The following CPXM2 variants were observed in gnomAD, a reference collection of about 807,000 sequenced individuals.
The protein encoded by CPXM2 is inactive carboxypeptidase-like protein X2.
CPXM2 carries 66 observed loss-of-function variants against 86.1 expected under a neutral mutation model. The ratio of observed to expected loss-of-function variants is 0.77; its 90% CI spans 0.63 to 0.94. CPXM2 has a LOEUF of 0.94. Ranked by LOEUF, CPXM2 falls within the 40% of genes least tolerant of loss-of-function variation. CPXM2 has a pLI of 0.00. For missense variants in CPXM2, 948 were observed against 1,026.3 expected (o/e 0.92, Z 1.04); for synonymous variants, 388 against 400.2 (o/e 0.97, Z 0.36).
chr10:123,772,862 T>C (rs1158682357), intron 7 of CPXM2, among the ~76,000 whole-genome samples: 1 of 151,488 alleles, frequency 6.6e-6, no homozygotes, highest in East Asian at 2.0e-4. Context: ...ATCACCTCTC[T>C]GGTTGTGGTC....
At chr10:123,915,834 G>A (rs1388312995) in intron 2 of CPXM2, among the ~76,000 whole-genome samples, 2 of 152,130 alleles carry the variant, frequency 1.3e-5, no homozygotes. Flanking sequence ...TCCAGTCCCT[G>A]GTCCTGGTTG....
chr10:123,847,600 A>G (rs1848522603), intron 3 of CPXM2, among the ~76,000 whole-genome samples: 1 of 152,196 alleles, frequency 6.6e-6, no homozygotes, highest in Non-Finnish European at 1.5e-5. Flanking sequence ...TAGCTGTGCC[A>G]TCCACAGTGC....
At chr10:123,821,332 T>C (rs1293118851) in intron 4 of CPXM2, among the ~76,000 whole-genome samples, 1 of 152,260 alleles carries the variant, frequency 6.6e-6, no homozygotes, top group African/African-American at 2.4e-5. Flanking sequence ...GGTTTCCTGG[T>C]ACTTCTCAAA....
At chr10:123,797,015 C>T (rs1467429962) in intron 6 of CPXM2, among the ~76,000 whole-genome samples, 1 of 152,252 alleles carries the variant, frequency 6.6e-6, no homozygotes, top group Non-Finnish European at 1.5e-5. Context: ...AGGCTCCATC[C>T]AGGCACAAGC....
chr10:123,857,368 G>C (rs1848749080), intron 3 of CPXM2, among the ~76,000 whole-genome samples: 1 of 151,988 alleles, frequency 6.6e-6, no homozygotes, highest in African/African-American at 2.4e-5. Flanking sequence ...TCACCAGCCA[G>C]CCCATTCAAA....
chr10:123,935,491 C>T (rs557437962), intron 2 of CPXM2, among the ~76,000 whole-genome samples: 1 of 152,256 alleles, frequency 6.6e-6, no homozygotes, highest in South Asian at 2.1e-4. Context: ...CAAACTTTGC[C>T]CTTGCCAGAA....
chr10:123,894,177 A>G (rs1945314724), upstream of CPXM2, among the ~76,000 whole-genome samples: 2 of 152,216 alleles, frequency 1.3e-5, no homozygotes, highest in Non-Finnish European at 2.9e-5. Flanking sequence ...AAGTCAGGCC[A>G]TATACATCCC....
At chr10:123,942,067 G>A (rs911214460), upstream of CPXM2, among the ~76,000 whole-genome samples, 1 of 152,184 alleles carries the variant, frequency 6.6e-6, no homozygotes, top group African/African-American at 2.4e-5. Flanking sequence ...TGAGGAATTG[G>A]ACAATTTTGT....
rs889528830 is a variant in CPXM2, at chr10:123,754,339, T to A, written c.2017+324A>T. The stretch of plus-strand genomic sequence containing the variant: ...GACACAGGCCACATTCCACCTGGTC[T>A]GAGAGCTAAGCTGCCTGCAGATGCA... On this transcript the variant is annotated intron_variant, in intron 13 of 13. Coordinates refer to ENST00000241305, the MANE Select transcript of CPXM2 (RefSeq NM_198148.3). The surrounding 1 kb of genome is among the most constrained non-coding windows in gnomAD (Gnocchi z 4.0). Among the ~76,000 whole-genome samples the A allele has an allele frequency of 6.6e-6, 1 of 152,184 alleles. No homozygotes were observed. Among genetic ancestry groups the A allele is most frequent in the African/African-American group, 2.4e-5 (1 of 41,458 alleles).
At chr10:123,834,023 T>G (rs931056590) in intron 4 of CPXM2, among the ~76,000 whole-genome samples, 5 of 152,308 alleles carry the variant, frequency 3.3e-5, no homozygotes, top group African/African-American at 1.2e-4. Flanking sequence ...TACATCTCCA[T>G]CTTACAGATG....
chr10:123,746,633 A>G lies in CPXM2; in HGVS notation c.*131T>C. 1.1e-6 allele frequency: 1 copy of G among 880,178 alleles called. No homozygotes were observed. The highest frequency in any genetic ancestry group is 2.5e-5 in the Admixed American group (1 of 39,628). The allele number at this position is 880,178 out of a possible 1,614,324, so 54.5% of individuals were successfully genotyped here. A position where few individuals can be genotyped will look rare whatever the true frequency, so the allele number is the denominator to read the frequency against. On this transcript the variant is annotated 3_prime_UTR_variant, in exon 14 of 14. Transcript: ENST00000241305. ...AGCCTTCCCTTTTGGGACCTGCCTCACAATGCACCCTCTCTTCCAGGCACT... is the reference window on the plus strand; with the variant it reads ...AGCCTTCCCTTTTGGGACCTGCCTCGCAATGCACCCTCTCTTCCAGGCACT...
intron 1 of CPXM2, among the ~76,000 whole-genome samples, chr10:123,882,721 A>G (rs1188774596): frequency 6.6e-6 from 1 of 151,806 alleles, no homozygotes; most frequent in African/African-American, 2.4e-5. Context: ...CCCCAGCACT[A>G]TGGCCTGGGC....
chr10:123,803,240 C>T (rs1847502146), intron 4 of CPXM2, among the ~76,000 whole-genome samples: 1 of 148,418 alleles, frequency 6.7e-6, no homozygotes. Flanking sequence ...GCTGGGACTA[C>T]AGGCATGCAC....
intron 3 of CPXM2, among the ~76,000 whole-genome samples, chr10:123,847,133 A>T (rs1469275722): frequency 6.6e-6 from 1 of 152,234 alleles, no homozygotes; most frequent in Non-Finnish European, 1.5e-5. Context: ...AAGGGGTGAT[A>T]AAAATGGGTG....
intron 4 of CPXM2, among the ~76,000 whole-genome samples, chr10:123,800,757 G>A (rs1847439720): frequency 6.8e-6 from 1 of 147,968 alleles, no homozygotes. Context: ...AAAAGGAAAT[G>A]AAAGCCAAGT....
At chr10:123,813,727 G>T (rs1189428222) in intron 4 of CPXM2, among the ~76,000 whole-genome samples, 4 of 152,192 alleles carry the variant, frequency 2.6e-5, no homozygotes, top group African/African-American at 9.7e-5. Context: ...AATGTCAGTT[G>T]TCTTCAATAA....
chr10:123,831,925 TC>T (rs1564789259), intron 4 of CPXM2, among the ~76,000 whole-genome samples: 2 of 112,934 alleles, frequency 1.8e-5, no homozygotes, highest in African/African-American at 6.6e-5. Context: ...GATAATGACA[TC>T]CTGTGGGTGG....
chr10:123,754,775 C>T lies in CPXM2; in HGVS notation c.1918-13G>A. 6.6e-7 allele frequency: 1 copy of T among 1,510,004 alleles called. No homozygotes were observed. The highest frequency in any genetic ancestry group is 1.4e-5 in the African/African-American group (1 of 72,968). The allele number at this position is 1,510,004 out of a possible 1,614,324, so 93.5% of individuals were successfully genotyped here. On this transcript the variant is annotated splice_polypyrimidine_tract_variant and intron_variant, in intron 12 of 13. Transcript: ENST00000241305. This position sits in a 1 kb window ranked among gnomAD's most constrained non-coding sequence, Gnocchi z 4.0. ...TGCCACGATGAACCTGCTCAGCAAA[C>T]ATGAGACACAGGGTGAGGTCACCGA...
chr10:123,907,134 C>T (rs551333676), intron 2 of CPXM2, among the ~76,000 whole-genome samples: 15 of 152,284 alleles, frequency 9.9e-5, no homozygotes, highest in Non-Finnish European at 1.6e-4. Context: ...CCATCAGCAC[C>T]GAGTGTTTAC....
Sources: allele counts gnomAD v4.1 joint callset (sites outside exome capture counted in the v4.1 genomes callset), GRCh38; gene constraint gnomAD v4.1.1; non-coding constraint Gnocchi (gnomAD v3.1); transcripts MANE v1.5; gene names NCBI Gene and HGNC (gene_info 2026-07-23, HGNC 2026-07-21).